The following IMMP2L variants were observed in gnomAD, a reference collection of about 807,000 sequenced individuals.
IMMP2L encodes the protein mitochondrial inner membrane protease subunit 2.
Under a neutral mutation model 19.3 loss-of-function variants are expected in IMMP2L, and 18 were observed. The ratio of observed to expected loss-of-function variants is 0.93; its 90% CI spans 0.64 to 1.38. IMMP2L has a LOEUF of 1.38. IMMP2L is among the 40% of genes most tolerant of loss of function. The probability of loss-of-function intolerance (pLI) is 0.00; values close to 1 mark genes in which losing one functional copy is unlikely to be tolerated. For missense variants in IMMP2L, 233 were observed against 218.2 expected, an observed-to-expected ratio of 1.07 and a Z score of -0.43; for synonymous variants, 76 against 73.0, an observed-to-expected ratio of 1.04 and a Z score of -0.21.
intron 3 of IMMP2L, among the ~76,000 whole-genome samples, chr7:111,004,259 C>A (rs1208495703): frequency 6.6e-6 from 1 of 151,360 alleles, no homozygotes; most frequent in Non-Finnish European, 1.5e-5. Flanking sequence ...CTCACTGCAG[C>A]CTTGAACTCC....
intron 3 of IMMP2L, among the ~76,000 whole-genome samples, chr7:111,174,933 C>T (rs971217420): frequency 1.3e-5 from 2 of 151,650 alleles, no homozygotes; most frequent in African/African-American, 4.8e-5. Context: ...ATAAATAAGT[C>T]CCTGATGGAA....
intron 1 of IMMP2L, among the ~76,000 whole-genome samples, chr7:111,531,051 A>C (rs1157809820): frequency 6.6e-6 from 1 of 150,864 alleles, no homozygotes; most frequent in Non-Finnish European, 1.5e-5. Flanking sequence ...TCCCGGGTTC[A>C]CGCCATCCTC....
chr7:110,848,287 G>T (rs184017525), intron 5 of IMMP2L, among the ~76,000 whole-genome samples: 1 of 152,246 alleles, frequency 6.6e-6, no homozygotes, highest in African/African-American at 2.4e-5. Context: ...AATATGGTTG[G>T]TAAGCAAGCA....
chr7:111,089,130 A>G (rs1405780374), intron 3 of IMMP2L, among the ~76,000 whole-genome samples: 1 of 152,210 alleles, frequency 6.6e-6, no homozygotes, highest in Non-Finnish European at 1.5e-5. Context: ...AAATAATGTA[A>G]GATAACATAT....
intron 4 of IMMP2L, among the ~76,000 whole-genome samples, chr7:110,898,841 C>T (rs1811582039): frequency 6.8e-6 from 1 of 148,098 alleles, no homozygotes; most frequent in South Asian, 2.2e-4. Context: ...AACTTAGCAA[C>T]CAATCTACAC....
In IMMP2L at chr7:111,497,144, A is replaced by G. The variant is rs373961100; in HGVS notation, c.136-9803T>C. Among the ~76,000 whole-genome samples the G allele has an allele frequency of 3.0e-4, 45 of 152,262 alleles. 2 individuals carry two copies. Among genetic ancestry groups the G allele is most frequent in the East Asian group, 2.9e-3 (15 of 5,190 alleles). Reference sequence around the variant, plus strand: ...ATGTTCTACTATAGAACGCCCCATCAAAGTGTCACAGGCACGCTCACATAC... The same window carrying G: ...ATGTTCTACTATAGAACGCCCCATCGAAGTGTCACAGGCACGCTCACATAC... On this transcript the variant is annotated intron_variant, in intron 2 of 5. Coordinates refer to ENST00000405709, the MANE Select transcript of IMMP2L (RefSeq NM_032549.4).
chr7:111,166,458 A>G (rs1399635731), intron 3 of IMMP2L, among the ~76,000 whole-genome samples: 2 of 151,992 alleles, frequency 1.3e-5, no homozygotes, highest in Non-Finnish European at 2.9e-5. Flanking sequence ...AGAGAAGCAA[A>G]TATACTTTAA....
chr7:110,818,201 C>T (rs1388201068), intron 5 of IMMP2L, among the ~76,000 whole-genome samples: 31 of 152,038 alleles, frequency 2.0e-4, no homozygotes, highest in African/African-American at 4.8e-4. Context: ...AGAAAATTTT[C>T]GCAACCTACT....
At chr7:111,281,617 AT>A (rs1313334904) in intron 3 of IMMP2L, among the ~76,000 whole-genome samples, 1 of 152,194 alleles carries the variant, frequency 6.6e-6, no homozygotes, top group Non-Finnish European at 1.5e-5. Context: ...GACCCAAAAA[AT>A]AACCAGTTAT....
intron 3 of IMMP2L, among the ~76,000 whole-genome samples, chr7:111,334,993 A>C (rs970277115): frequency 2.6e-5 from 4 of 152,064 alleles, no homozygotes; most frequent in African/African-American, 7.2e-5. Flanking sequence ...AGAGAGCTCT[A>C]ACAAGAAGCT....
At chr7:111,557,482 C>A (rs757163122) in intron 1 of IMMP2L, among the ~76,000 whole-genome samples, 1 of 152,170 alleles carries the variant, frequency 6.6e-6, no homozygotes, top group Non-Finnish European at 1.5e-5. Flanking sequence ...TAATGCCACA[C>A]AACTACTCAT....
chr7:111,416,181 A>ATT (rs1834940400), intron 3 of IMMP2L, among the ~76,000 whole-genome samples: 2 of 152,008 alleles, frequency 1.3e-5, no homozygotes, highest in South Asian at 4.1e-4. Context: ...CAGCTATCCC[A>ATT]TTAAAGTACA....
At chr7:111,460,653 T>G (rs1246393845) in intron 3 of IMMP2L, among the ~76,000 whole-genome samples, 1 of 152,084 alleles carries the variant, frequency 6.6e-6, no homozygotes, top group African/African-American at 2.4e-5. Context: ...TTCTTTGATA[T>G]TATTTGTCCT....
chr7:111,157,551 A>G (rs916536299), intron 3 of IMMP2L, among the ~76,000 whole-genome samples: 6 of 152,138 alleles, frequency 3.9e-5, no homozygotes, highest in African/African-American at 1.4e-4. Context: ...GGTAGAGAGT[A>G]GAATGATGGT....
chr7:110,686,405 GCCAATAACCCT>G (rs1243547303), intron 5 of IMMP2L, among the ~76,000 whole-genome samples: 1 of 151,686 alleles, frequency 6.6e-6, no homozygotes, highest in Non-Finnish European at 1.5e-5. Context: ...CTACCACACT[GCCAATAACCCT>G]CAAATTCGTA....
intron 3 of IMMP2L, among the ~76,000 whole-genome samples, chr7:111,364,199 G>T (rs1004922779): frequency 2.0e-5 from 3 of 152,002 alleles, no homozygotes; most frequent in Non-Finnish European, 4.4e-5. Context: ...AAGTCAAATT[G>T]AATAAAACAA....
At chr7:111,328,531 TA>T in intron 3 of IMMP2L, among the ~76,000 whole-genome samples, 1 of 151,956 alleles carries the variant, frequency 6.6e-6, no homozygotes, top group East Asian at 1.9e-4. Context: ...ATGGCAATTA[TA>T]AAAAGTAAGG....
chr7:111,057,266 C>T (rs371310743), intron 3 of IMMP2L, among the ~76,000 whole-genome samples: 2 of 152,150 alleles, frequency 1.3e-5, no homozygotes, highest in African/African-American at 4.8e-5. Flanking sequence ...AAGGTAGGCA[C>T]CAGCCATCTG....
intron 3 of IMMP2L, among the ~76,000 whole-genome samples, chr7:111,051,390 C>T (rs1792995469): frequency 6.6e-6 from 1 of 152,170 alleles, no homozygotes; most frequent in African/African-American, 2.4e-5. Flanking sequence ...ATCTAGTGAA[C>T]AGTACACAGG....
Sources: gnomAD v4.1 joint callset for allele counts (sites outside exome capture counted in the v4.1 genomes callset) on GRCh38, gnomAD v4.1.1 for gene constraint, MANE v1.5 for transcripts, NCBI Gene and HGNC (gene_info 2026-07-23, HGNC 2026-07-21) for gene names.